Variants in CTNNAL1 observed in about 807,000 individuals in gnomAD.
CTNNAL1 encodes the protein alpha-catulin.
In CTNNAL1, 69 loss-of-function variants were observed where a neutral mutation model predicts 93.6. The ratio of observed to expected loss-of-function variants is 0.74; its 90% CI spans 0.61 to 0.90. The LOEUF (loss-of-function observed/expected upper bound fraction) is 0.90. Among genes scored for constraint, CTNNAL1 ranks in the 40% least tolerant of loss-of-function variants. The pLI is 0.00. For missense variants in CTNNAL1, 836 were observed against 862.0 expected (o/e 0.97, Z 0.38); for synonymous variants, 286 against 305.4 (o/e 0.94, Z 0.66).
chr9:108,967,668 T>G (rs1830997405), intron 10 of CTNNAL1, among the ~76,000 whole-genome samples: 1 of 152,032 alleles, frequency 6.6e-6, no homozygotes, highest in Admixed American at 6.6e-5. Context: ...ACTGAAAAGG[T>G]GAGGGAGCTA....
At chr9:108,995,707 A>C (rs1310254715) in intron 2 of CTNNAL1, among the ~76,000 whole-genome samples, 1 of 152,218 alleles carries the variant, frequency 6.6e-6, no homozygotes, top group Non-Finnish European at 1.5e-5. Context: ...AAAAAGCAAC[A>C]ATACAATGTA....
At chr9:108,971,832 T>C (rs1831124566) in intron 9 of CTNNAL1, among the ~76,000 whole-genome samples, 1 of 152,162 alleles carries the variant, frequency 6.6e-6, no homozygotes, top group African/African-American at 2.4e-5. Context: ...TTAATAAGCC[T>C]AACTGGAATT....
rs75266025 is a variant in CTNNAL1 at position 108,951,178 on chromosome 9, C to CT, written c.1835+1030dup. Among the ~76,000 whole-genome samples the CT allele has an allele frequency of 3.5e-3, 482 of 137,204 alleles. 1 individual carries two copies. Among genetic ancestry groups the CT allele is most frequent in the African/African-American group, 6.4e-3 (242 of 37,664 alleles). 90.0% of individuals were successfully genotyped at this position (137,204 alleles called of 152,430 possible). On this transcript the variant is annotated intron_variant, in intron 14 of 18. Coordinates refer to ENST00000325551, the MANE Select transcript of CTNNAL1 (RefSeq NM_003798.4). The stretch of plus-strand genomic sequence containing the variant: ...GGCGCCCGCCACCACGCCCGGCTAA[C>CT]TTTTTTTTTTTTTTTTTAAGTAGAC...
At chr9:108,946,504 A>G (rs1372445718) in intron 15 of CTNNAL1, among the ~76,000 whole-genome samples, 2 of 152,074 alleles carry the variant, frequency 1.3e-5, no homozygotes, top group African/African-American at 4.8e-5. Flanking sequence ...TCACTTCATT[A>G]CTGTCTCTAT....
chr9:108,986,137 A>C (rs1025288861), intron 4 of CTNNAL1, among the ~76,000 whole-genome samples: 28 of 150,274 alleles, frequency 1.9e-4, no homozygotes, highest in Admixed American at 2.7e-4. Context: ...TTAACTCGTC[A>C]TTTAGCATTA....
chr9:108,943,543 G>T (rs1830309378), intron 17 of CTNNAL1, among the ~76,000 whole-genome samples, 160 bp downstream of exon 17: 1 of 152,086 alleles, frequency 6.6e-6, no homozygotes, highest in Non-Finnish European at 1.5e-5. Flanking sequence ...CTACTCTCTG[G>T]GGTCAGTTAT....
At chr9:109,000,144 C>T (rs1262548299) in intron 1 of CTNNAL1, among the ~76,000 whole-genome samples, 1 of 152,088 alleles carries the variant, frequency 6.6e-6, no homozygotes, top group African/African-American at 2.4e-5. Context: ...ATTAATAGAC[C>T]TAGGTTTAAG....
intron 8 of CTNNAL1, 31 bp from the exon 9 acceptor site, chr9:108,972,864 G>GGCCGCCCCCCCCCCC: frequency 7.0e-6 from 1 of 142,590 alleles, no homozygotes; most frequent in Non-Finnish European, 1.0e-5. Context: ...GGGGGGGTGG[G>GGCCGCCCCCCCCCCC]AGGGTGGAGA....
chr9:108,972,864 G>GGGGGGGGGGGAA, intron 8 of CTNNAL1, 31 bp from the exon 9 acceptor site: 3 of 142,590 alleles, frequency 2.1e-5, no homozygotes, highest in Admixed American at 2.0e-4. Context: ...GGGGGGGTGG[G>GGGGGGGGGGGAA]AGGGTGGAGA....
At chr9:108,946,075 C>A (rs1314869129) in intron 15 of CTNNAL1, among the ~76,000 whole-genome samples, 1 of 151,758 alleles carries the variant, frequency 6.6e-6, no homozygotes, top group African/African-American at 2.4e-5. Context: ...CTGAGGCGGG[C>A]GAATCACAAG....
intron 4 of CTNNAL1, among the ~76,000 whole-genome samples, chr9:108,988,234 C>T (rs917030844): frequency 5.9e-5 from 9 of 152,180 alleles, no homozygotes; most frequent in Non-Finnish European, 8.8e-5. Context: ...CAGGCACATG[C>T]CACCACACTC....
In CTNNAL1 at chr9:108,955,957, C is replaced by A. The variant is rs978005498; in HGVS notation, c.1592-130G>T. On this transcript the variant is annotated intron_variant, in intron 11 of 18. Coordinates refer to ENST00000325551, the MANE Select transcript of CTNNAL1 (RefSeq NM_003798.4). Reference sequence around the variant, plus strand: ...ACATTAGTTTTGATAACAGTCTATTCATTACATAAAATTCAGAAATAAAAT... The same window carrying A: ...ACATTAGTTTTGATAACAGTCTATTAATTACATAAAATTCAGAAATAAAAT... 21 of 543,512 alleles carry A rather than the reference C, an allele frequency of 3.9e-5. No individual in the cohort carries two copies. In the African/African-American group the frequency reaches 4.0e-4, roughly 10 times the overall value. The allele number at this position is 543,512 out of a possible 1,614,324, so 33.7% of individuals were successfully genotyped here.
intron 1 of CTNNAL1, among the ~76,000 whole-genome samples, chr9:109,000,821 G>A (rs1462945170): frequency 6.6e-6 from 1 of 151,976 alleles, no homozygotes; most frequent in South Asian, 2.1e-4. Context: ...CCAAGAGATG[G>A]GATGGGCAGG....
Position 108,942,922 on chromosome 9 carries a change from T to A in CTNNAL1, c.2139+39A>T, listed in dbSNP as rs1429373002. On this transcript the variant is annotated intron_variant, in intron 18 of 18. Transcript: ENST00000325551. The stretch of plus-strand genomic sequence containing the variant: ...TAGTAACTATTTTCTTTTAAACCAT[T>A]TTTTAAAGTATGAGTCTAAAATAGA... 3 of 1,609,356 alleles carry A rather than the reference T, an allele frequency of 1.9e-6. No homozygotes were observed. In the Admixed American group the frequency reaches 5.0e-5, roughly 27 times the overall value.
chr9:108,986,912 T>C (rs1166970569), intron 4 of CTNNAL1, among the ~76,000 whole-genome samples: 6 of 152,228 alleles, frequency 3.9e-5, no homozygotes, highest in Non-Finnish European at 2.9e-5. Context: ...GAGTTCATTG[T>C]AGATTCTGTA....
intron 15 of CTNNAL1, among the ~76,000 whole-genome samples, chr9:108,947,101 A>G (rs1830426470): frequency 1.3e-5 from 2 of 150,340 alleles, no homozygotes; most frequent in African/African-American, 4.9e-5. Context: ...TGATAAAGTG[A>G]TAGAAATTTC....
chr9:108,960,265 A>G lies in CTNNAL1; in HGVS notation c.1592-4438T>C, dbSNP rs149548695. On this transcript the variant is annotated intron_variant, in intron 11 of 18. Coordinates refer to ENST00000325551, the MANE Select transcript of CTNNAL1 (RefSeq NM_003798.4). ...TCTCCCTCACCTCTATATTCAATTGACCAATAAACCCTACCAATATTAGTT... is the reference window on the plus strand; with the variant it reads ...TCTCCCTCACCTCTATATTCAATTGGCCAATAAACCCTACCAATATTAGTT... Among the ~76,000 whole-genome samples, 945 of 152,208 alleles carry G rather than the reference A, an allele frequency of 6.2e-3. 4 individuals are homozygous for G. The highest frequency in any genetic ancestry group is 0.024 in the Middle Eastern group (7 of 294).
chr9:108,950,023 CAAAA>C (rs145183101), intron 14 of CTNNAL1, among the ~76,000 whole-genome samples: 3 of 76,110 alleles, frequency 3.9e-5, no homozygotes, highest in Admixed American at 2.6e-4. Context: ...GGCTACATCT[CAAAA>C]AAAAAAAAAA....
At chr9:108,947,109 T>G (rs1224594146) in intron 15 of CTNNAL1, among the ~76,000 whole-genome samples, 1 of 139,408 alleles carries the variant, frequency 7.2e-6, no homozygotes, top group East Asian at 2.2e-4. Context: ...TGATAGAAAT[T>G]TCTTTCTTTT....
Sources: allele counts gnomAD v4.1 joint callset (sites outside exome capture counted in the v4.1 genomes callset), GRCh38; gene constraint gnomAD v4.1.1; transcripts MANE v1.5; gene names NCBI Gene and HGNC (gene_info 2026-07-23, HGNC 2026-07-21).